The following CDYL2 variants were observed in gnomAD, a reference collection of about 807,000 sequenced individuals.
The protein encoded by CDYL2 is chromodomain Y like 2, also known as chromodomain Y-like protein 2.
CDYL2 carries 23 observed loss-of-function variants against 49.4 expected under a neutral mutation model. The observed-to-expected ratio is 0.47, with a 90% CI of 0.34 to 0.66. The LOEUF is 0.66. CDYL2 is among the 30% of genes least tolerant of loss of function. CDYL2 has a pLI of 0.01. For missense variants in CDYL2, 678 were observed against 656.4 expected (o/e 1.03, Z -0.36); for synonymous variants, 360 against 268.8 (o/e 1.34, Z -3.32).
chr16:80,784,872 G>C (rs563463892), intron 1 of CDYL2, among the ~76,000 whole-genome samples: 2 of 152,292 alleles, frequency 1.3e-5, no homozygotes, highest in South Asian at 4.2e-4. Flanking sequence ...GGCATCCTTA[G>C]TGAAACAAGG....
intron 1 of CDYL2, among the ~76,000 whole-genome samples, chr16:80,770,049 C>T (rs1476636331): frequency 6.6e-6 from 1 of 151,994 alleles, no homozygotes; most frequent in African/African-American, 2.4e-5. Context: ...GCAATGGTCA[C>T]TGCAGAAAAC....
chr16:80,702,522 G>A (rs1904307524), intron 1 of CDYL2, among the ~76,000 whole-genome samples: 1 of 152,154 alleles, frequency 6.6e-6, no homozygotes, highest in Non-Finnish European at 1.5e-5. Flanking sequence ...GACCAAAGCA[G>A]GAGGATTGTT....
At chr16:80,604,719 C>A (rs1170478545) in intron 6 of CDYL2, among the ~76,000 whole-genome samples, 173 bp from the exon 7 acceptor site, 2 of 152,136 alleles carry the variant, frequency 1.3e-5, no homozygotes, top group African/African-American at 2.4e-5. Flanking sequence ...TGAATGGATC[C>A]CAGATGTGTC....
At chr16:80,613,889 C>G (rs962500521) in intron 4 of CDYL2, among the ~76,000 whole-genome samples, 5 of 152,226 alleles carry the variant, frequency 3.3e-5, no homozygotes, top group African/African-American at 1.2e-4. Flanking sequence ...TGACCTTGAC[C>G]TGCCTCAGCT....
At chr16:80,764,888 G>A (rs774607377) in intron 1 of CDYL2, among the ~76,000 whole-genome samples, 2 of 151,218 alleles carry the variant, frequency 1.3e-5, no homozygotes, top group African/African-American at 4.9e-5. Flanking sequence ...GCGAAACCCC[G>A]TCTCTACTAA....
At chr16:80,759,427 C>G (rs192417424) in intron 1 of CDYL2, among the ~76,000 whole-genome samples, 10 of 152,126 alleles carry the variant, frequency 6.6e-5, no homozygotes, top group Admixed American at 6.5e-4. Flanking sequence ...TCAATACGAA[C>G]TGAACTCAAA....
chr16:80,639,350 G>A (rs573414396), intron 2 of CDYL2, among the ~76,000 whole-genome samples: 56 of 152,158 alleles, frequency 3.7e-4, no homozygotes, highest in Non-Finnish European at 7.4e-4. Context: ...CCATTCCTAC[G>A]CATTCACCAT....
intron 1 of CDYL2, among the ~76,000 whole-genome samples, chr16:80,756,338 G>A (rs2142569549): frequency 6.6e-6 from 1 of 151,838 alleles, no homozygotes; most frequent in East Asian, 1.9e-4. Context: ...TAAAGAAAAT[G>A]AGAAAACACA....
At chr16:80,665,112 A>C (rs1328815759) in intron 2 of CDYL2, among the ~76,000 whole-genome samples, 1 of 152,208 alleles carries the variant, frequency 6.6e-6, no homozygotes, top group Non-Finnish European at 1.5e-5. Context: ...AGAAATCATA[A>C]ATGGCATTTA....
chr16:80,631,069 C>A (rs943820504), intron 3 of CDYL2, among the ~76,000 whole-genome samples: 1 of 152,096 alleles, frequency 6.6e-6, no homozygotes, highest in Non-Finnish European at 1.5e-5. Context: ...CTTCAGTGGG[C>A]CTGGCACTGG....
intron 1 of CDYL2, among the ~76,000 whole-genome samples, chr16:80,725,917 G>A (rs1905148703): frequency 1.3e-5 from 2 of 152,224 alleles, no homozygotes; most frequent in Non-Finnish European, 2.9e-5. Flanking sequence ...ATTGGGGCAT[G>A]AAGTTTTCAT....
At chr16:80,663,683 C>A (rs778643610) in intron 2 of CDYL2, among the ~76,000 whole-genome samples, 3 of 152,082 alleles carry the variant, frequency 2.0e-5, no homozygotes, top group Admixed American at 1.3e-4. Flanking sequence ...ACCTCCGCAT[C>A]CTGGGTTCAA....
intron 1 of CDYL2, among the ~76,000 whole-genome samples, chr16:80,703,801 T>C (rs1283156281): frequency 1.3e-5 from 2 of 152,118 alleles, no homozygotes; most frequent in African/African-American, 4.8e-5. Context: ...TGACCTCTGA[T>C]TCCAGACCAC....
chr16:80,637,685 T>G (rs1019665103), intron 2 of CDYL2, among the ~76,000 whole-genome samples: 1 of 152,170 alleles, frequency 6.6e-6, no homozygotes, highest in Non-Finnish European at 1.5e-5. Flanking sequence ...TAATATTCAA[T>G]AGTACAATGG....
chr16:80,624,544 G>GA lies in CDYL2; in HGVS notation c.835-3610dup, dbSNP rs201794600. Among the ~76,000 whole-genome samples, 796 of 151,714 alleles carry GA rather than the reference G, an allele frequency of 5.2e-3. 8 individuals carry two copies. The highest frequency in any genetic ancestry group is 0.018 in the African/African-American group (734 of 41,370). On this transcript the variant is annotated intron_variant, in intron 3 of 6. Transcript: ENST00000570137. ...CCCAGACCGCATGGGAATTACACAG[G>GA]AAAAAAAACCCTAGCAGGAGATGAG... is the stretch of plus-strand genomic sequence containing the variant.
At chr16:80,611,127 C>T (rs1448867074) in intron 5 of CDYL2, among the ~76,000 whole-genome samples, 1 of 152,178 alleles carries the variant, frequency 6.6e-6, no homozygotes, top group Admixed American at 6.5e-5. Flanking sequence ...CAAATGTCAC[C>T]TGCTCAAAGG....
chr16:80,641,870 A>G (rs1330901704), intron 2 of CDYL2, among the ~76,000 whole-genome samples: 2 of 152,014 alleles, frequency 1.3e-5, no homozygotes, highest in Admixed American at 6.5e-5. Context: ...CACATTGTGC[A>G]CATGTACCCT....
intron 1 of CDYL2, among the ~76,000 whole-genome samples, chr16:80,790,432 A>G (rs1003951196): frequency 6.6e-6 from 1 of 152,224 alleles, no homozygotes; most frequent in African/African-American, 2.4e-5. Flanking sequence ...CAGTTTGAAG[A>G]AAGTCCATAT....
chr16:80,678,487 T>G (rs1909844810), intron 2 of CDYL2, among the ~76,000 whole-genome samples: 1 of 152,098 alleles, frequency 6.6e-6, no homozygotes, highest in Non-Finnish European at 1.5e-5. Context: ...AAGACATTTA[T>G]GCAGCCAAAA....
Sources: gnomAD v4.1 joint callset for allele counts (sites outside exome capture counted in the v4.1 genomes callset) on GRCh38, gnomAD v4.1.1 for gene constraint, MANE v1.5 for transcripts, NCBI Gene and HGNC (gene_info 2026-07-23, HGNC 2026-07-21) for gene names.